The following RAB7A variants were observed in gnomAD, a reference collection of about 807,000 sequenced individuals.
The protein encoded by RAB7A is RAB7A, member RAS oncogene family, also known as ras-related protein Rab-7a.
Under a neutral mutation model 24.5 loss-of-function variants are expected in RAB7A, and 2 were observed. The observed-to-expected ratio is 0.08, with a 90% CI of 0.03 to 0.26. The LOEUF (loss-of-function observed/expected upper bound fraction) is 0.26. RAB7A is among the 10% of genes least tolerant of loss of function. RAB7A has a pLI of 1.00. For synonymous variants in RAB7A, 100 were observed against 95.9 expected (o/e 1.04, Z -0.25); for missense variants, 118 against 255.7 (o/e 0.46, Z 3.67).
intron 1 of RAB7A, among the ~76,000 whole-genome samples, chr3:128,786,958 A>T (rs921603289): frequency 2.6e-5 from 4 of 152,254 alleles, no homozygotes; most frequent in Non-Finnish European, 5.9e-5. Flanking sequence ...GATATTTAAT[A>T]TAGAAAAAGC....
At chr3:128,764,905 A>T in intron 1 of RAB7A, 2 of 1,541,790 alleles carry the variant, frequency 1.3e-6, no homozygotes, top group Non-Finnish European at 1.8e-6. Context: ...GTTGTAAGAC[A>T]CGGACAGGTA....
chr3:128,727,616 G>T (rs1439337117), intron 1 of RAB7A, among the ~76,000 whole-genome samples: 1 of 152,220 alleles, frequency 6.6e-6, no homozygotes, highest in Non-Finnish European at 1.5e-5. Flanking sequence ...GAAAAATTTT[G>T]CAGGTAGGCC....
chr3:128,790,539 A>G (rs1169774818), intron 1 of RAB7A, among the ~76,000 whole-genome samples: 1 of 152,250 alleles, frequency 6.6e-6, no homozygotes, highest in Non-Finnish European at 1.5e-5. Flanking sequence ...CCATTTTTAC[A>G]TTTAAATCTT....
chr3:128,763,772 C>CA (rs2070798106), intron 1 of RAB7A, among the ~76,000 whole-genome samples: 2 of 151,932 alleles, frequency 1.3e-5, no homozygotes, highest in African/African-American at 4.8e-5. Context: ...GTGATGTTTA[C>CA]CTGAATCCCT....
intron 1 of RAB7A, chr3:128,765,127 G>T: frequency 1.4e-6 from 1 of 720,900 alleles, no homozygotes; most frequent in South Asian, 1.5e-5. Context: ...GGCTGGCTAC[G>T]GGCGGCCGGC....
intron 1 of RAB7A, among the ~76,000 whole-genome samples, chr3:128,729,612 T>C (rs911643355): frequency 4.0e-5 from 6 of 149,620 alleles, no homozygotes; most frequent in Non-Finnish European, 8.9e-5. Flanking sequence ...TCTTCACTAA[T>C]AACGTTTTTG....
At chr3:128,762,867 T>C (rs1258792231) in intron 1 of RAB7A, among the ~76,000 whole-genome samples, 1 of 152,200 alleles carries the variant, frequency 6.6e-6, no homozygotes, top group Non-Finnish European at 1.5e-5. Context: ...GTGTAAAAGA[T>C]ACACTCTCCT....
At chr3:128,766,209 A>G (rs1000532748) in intron 1 of RAB7A, among the ~76,000 whole-genome samples, 1 of 152,242 alleles carries the variant, frequency 6.6e-6, no homozygotes, top group Admixed American at 6.5e-5. Flanking sequence ...GCTCCACTGA[A>G]TACAGAGACT....
In RAB7A at chr3:128,783,249, C is replaced by G. The variant is rs1170118068; in HGVS notation, c.-8-12111C>G. 1.4e-5 allele frequency among the ~76,000 whole-genome samples: 2 copies of G among 144,618 alleles called. 1 individual carries two copies. The highest frequency in any genetic ancestry group is 4.5e-4 in the South Asian group (2 of 4,444). The allele number at this position is 144,618 out of a possible 152,430, so 94.9% of individuals were successfully genotyped here. ...AACACACACCTCCCACCTGCTCTAT[C>G]CTCCTCCTGCCCTACCCCCACTTAG... On this transcript the variant is annotated intron_variant, in intron 1 of 5. Transcript: ENST00000265062.
Position 128,737,649 on chromosome 3 carries a change from CTCTT to C in RAB7A, c.-9+11292_-9+11295del, listed in dbSNP as rs577177196. Among the ~76,000 whole-genome samples the C allele has an allele frequency of 4.9e-3, 730 of 149,052 alleles. 1 individual carries two copies. The highest frequency in any genetic ancestry group is 7.0e-3 in the Non-Finnish European group (472 of 67,266). On this transcript the variant is annotated intron_variant, in intron 1 of 5. Transcript: ENST00000265062. ...GTGTGAGCCACCTATCTTTCTGTCTCTCTTTTTTTTTTTTTTGAGACAGGGTCTC... is the reference window on the plus strand; with the variant it reads ...GTGTGAGCCACCTATCTTTCTGTCTCTTTTTTTTTTTTGAGACAGGGTCTC...
At chr3:128,756,996 A>G (rs907124969) in intron 1 of RAB7A, among the ~76,000 whole-genome samples, 1 of 151,974 alleles carries the variant, frequency 6.6e-6, no homozygotes, top group Non-Finnish European at 1.5e-5. Context: ...GGCGCGCACC[A>G]CCACGCCCGG....
intron 1 of RAB7A, among the ~76,000 whole-genome samples, chr3:128,740,330 G>T (rs114431655): frequency 1.3e-5 from 2 of 152,140 alleles, no homozygotes; most frequent in African/African-American, 4.8e-5. Flanking sequence ...GCCGTGAGCC[G>T]AGATGGCGCC....
At chr3:128,796,865 T>C (rs1468009403) in intron 2 of RAB7A, among the ~76,000 whole-genome samples, 2 of 152,152 alleles carry the variant, frequency 1.3e-5, no homozygotes, top group African/African-American at 4.8e-5. Context: ...GGTTCTACCA[T>C]GTTGCCCAGG....
chr3:128,731,115 C>A (rs1278869975), intron 1 of RAB7A, among the ~76,000 whole-genome samples: 1 of 152,118 alleles, frequency 6.6e-6, no homozygotes, highest in Non-Finnish European at 1.5e-5. Flanking sequence ...GATCAGGAGT[C>A]CTTTAAAAGT....
intron 1 of RAB7A, among the ~76,000 whole-genome samples, chr3:128,768,187 T>C (rs1300644369): frequency 6.6e-6 from 1 of 152,192 alleles, no homozygotes; most frequent in Non-Finnish European, 1.5e-5. Context: ...AAGTATACTG[T>C]GTATTTATTT....
At chr3:128,784,349 T>A (rs892473883) in intron 1 of RAB7A, among the ~76,000 whole-genome samples, 1 of 152,136 alleles carries the variant, frequency 6.6e-6, no homozygotes, top group Non-Finnish European at 1.5e-5. Flanking sequence ...CCCATCCCAA[T>A]CCAATCCATC....
intron 1 of RAB7A, 185 bp from the exon 2 acceptor site, chr3:128,795,175 T>C: frequency 1.5e-6 from 1 of 654,822 alleles, no homozygotes; most frequent in Non-Finnish European, 2.8e-6. Context: ...TCTGCCTCGC[T>C]CTTGGGTCCA....
chr3:128,796,181 C>T lies in RAB7A; in HGVS notation c.53+761C>T, dbSNP rs1186752143. On this transcript the variant is annotated intron_variant, in intron 2 of 5. Transcript: ENST00000265062. ...GATGTGCCACTAACCATGTAGCTAA[C>T]TCTAATGGCTCTTAAGATTCTGTGG... 2.0e-5 allele frequency among the ~76,000 whole-genome samples: 3 copies of T among 152,174 alleles called. No homozygotes were observed. The South Asian group carries it at 6.2e-4, about 32-fold the overall frequency.
intron 1 of RAB7A, among the ~76,000 whole-genome samples, chr3:128,778,950 A>G (rs1933153812): frequency 6.6e-6 from 1 of 152,254 alleles, no homozygotes. Flanking sequence ...ACACAGAGAC[A>G]GAATCTAGTT....
Sources: allele counts gnomAD v4.1 joint callset (sites outside exome capture counted in the v4.1 genomes callset), GRCh38; gene constraint gnomAD v4.1.1; transcripts MANE v1.5; gene names NCBI Gene and HGNC (gene_info 2026-07-23, HGNC 2026-07-21).